Variants in FGGY observed in about 807,000 individuals in gnomAD.
FGGY encodes the protein FGGY carbohydrate kinase domain containing.
FGGY carries 72 observed loss-of-function variants against 71.3 expected under a neutral mutation model. The ratio of observed to expected loss-of-function variants is 1.01; its 90% CI spans 0.84 to 1.23. The LOEUF (loss-of-function observed/expected upper bound fraction) is 1.23. Among genes scored for constraint, FGGY ranks in the 50% most tolerant of loss-of-function variants. The pLI is 0.00. For synonymous variants in FGGY, 251 were observed against 250.3 expected, an observed-to-expected ratio of 1.00 and a Z score of -0.02; for missense variants, 668 against 682.3, an observed-to-expected ratio of 0.98 and a Z score of 0.23.
At chr1:59,544,503 TTTAGGG>T (rs926134734) in intron 7 of FGGY, among the ~76,000 whole-genome samples, 2 of 152,170 alleles carry the variant, frequency 1.3e-5, no homozygotes, top group African/African-American at 4.8e-5. Context: ...AATGACCTGC[TTTAGGG>T]GAGAATGGTG....
intron 11 of FGGY, among the ~76,000 whole-genome samples, chr1:59,651,659 A>G (rs1419545361): frequency 6.6e-6 from 1 of 150,724 alleles, no homozygotes. Flanking sequence ...TGCACGTGAG[A>G]TGGGTCTCCT....
chr1:59,324,301 G>A (rs1172399665), intron 2 of FGGY, among the ~76,000 whole-genome samples: 1 of 119,828 alleles, frequency 8.3e-6, no homozygotes, highest in African/African-American at 3.3e-5. Context: ...TTTTGAGACG[G>A]AGTCTCGCTC....
At chr1:59,482,401 T>C (rs2093505830) in intron 6 of FGGY, among the ~76,000 whole-genome samples, 1 of 152,088 alleles carries the variant, frequency 6.6e-6, no homozygotes, top group Non-Finnish European at 1.5e-5. Flanking sequence ...ATATGAATCA[T>C]GGACAAATGT....
chr1:59,417,001 G>A (rs2064560625), intron 5 of FGGY, among the ~76,000 whole-genome samples: 1 of 152,110 alleles, frequency 6.6e-6, no homozygotes, highest in African/African-American at 2.4e-5. Context: ...ACCATTTTAT[G>A]TATACAGTAT....
chr1:59,644,887 G>C (rs996975716), intron 11 of FGGY, among the ~76,000 whole-genome samples: 1 of 151,894 alleles, frequency 6.6e-6, no homozygotes, highest in Non-Finnish European at 1.5e-5. Context: ...TGAGGCAGGA[G>C]AGTCGCTTGA....
At chr1:59,663,198 C>T (rs2097293678) in intron 12 of FGGY, among the ~76,000 whole-genome samples, 2 of 152,186 alleles carry the variant, frequency 1.3e-5, no homozygotes, top group Admixed American at 6.5e-5. Context: ...TCTCATTTTA[C>T]AGACAAGGGG....
intron 6 of FGGY, among the ~76,000 whole-genome samples, chr1:59,485,685 C>T (rs1184614505): frequency 1.3e-5 from 2 of 152,136 alleles, no homozygotes; most frequent in Admixed American, 6.5e-5. Context: ...TTTGGGAAAA[C>T]AACAGTTAAA....
rs1019958409 is a variant in FGGY, at chr1:59,489,586, A to C, written c.671-22725A>C. Among the ~76,000 whole-genome samples the C allele has an allele frequency of 1.2e-4, 18 of 152,226 alleles. 1 individual carries two copies. The highest frequency in any genetic ancestry group is 6.8e-3 in the Middle Eastern group (2 of 294). ...ATGTCTGAATAGTATTCCATTGTGT[A>C]TGTATATCACATTTTCTTTGTTCAT... On this transcript the variant is annotated intron_variant, in intron 6 of 15. Transcript: ENST00000303721.
At chr1:59,483,420 T>G (rs562966168) in intron 6 of FGGY, among the ~76,000 whole-genome samples, 1 of 152,270 alleles carries the variant, frequency 6.6e-6, no homozygotes, top group African/African-American at 2.4e-5. Flanking sequence ...AGAAAACAGA[T>G]GATTAATTTA....
At chr1:59,386,845 C>G (rs1205012720) in intron 5 of FGGY, among the ~76,000 whole-genome samples, 1 of 152,040 alleles carries the variant, frequency 6.6e-6, no homozygotes, top group African/African-American at 2.4e-5. Flanking sequence ...GGTTGAATTT[C>G]TATAATTTTA....
chr1:59,542,887 T>G (rs1272284515), intron 7 of FGGY, among the ~76,000 whole-genome samples: 1 of 152,144 alleles, frequency 6.6e-6, no homozygotes, highest in Non-Finnish European at 1.5e-5. Context: ...GTGCCCTCCC[T>G]CACAGGCACT....
chr1:59,482,636 A>ATATG (rs1276663313), intron 6 of FGGY, among the ~76,000 whole-genome samples: 1 of 145,946 alleles, frequency 6.9e-6, no homozygotes, highest in African/African-American at 2.6e-5. Flanking sequence ...GTCTGTGTGT[A>ATATG]TATATATATA....
chr1:59,315,779 C>G (rs1387883423), intron 1 of FGGY: 1 of 152,210 alleles, frequency 6.6e-6, no homozygotes, highest in Non-Finnish European at 1.5e-5. Flanking sequence ...GCTACAGACT[C>G]TAAAAGTTTG....
At position 59,457,048 on chromosome 1, in the gene FGGY, C is replaced by G; in HGVS notation, c.642C>G (p.Asp214Glu). ...DSFWKMIGLEDFVADNYSKIG... is the reference protein window; with the variant it reads ...DSFWKMIGLEEFVADNYSKIG... The stretch of plus-strand genomic sequence containing the variant: ...TCTGGAAAATGATTGGTTTGGAAGA[C>G]TTTGTTGCAGATAATTACAGCAAAA... The change falls in exon 6 of 16, where the codon GAC becomes GAG. Residue 214 changes from aspartate (D) to glutamate (E), a missense_variant. By Grantham distance (45) the Asp-to-Glu change is conservative. This residue lies in a region of FGGY where 661 missense variants were observed against 661.6 expected (regional missense o/e 1.00). Transcript: ENST00000303721. 6.2e-7 allele frequency: 1 copy of G among 1,613,828 alleles called. No individual in the cohort carries two copies. Among genetic ancestry groups the G allele is most frequent in the Non-Finnish European group, 8.5e-7 (1 of 1,179,758 alleles).
At chr1:59,744,310 T>G (rs2098175768) in intron 14 of FGGY, among the ~76,000 whole-genome samples, 1 of 152,178 alleles carries the variant, frequency 6.6e-6, no homozygotes, top group Non-Finnish European at 1.5e-5. Flanking sequence ...AACCTCCGCC[T>G]TCTGGATTCA....
intron 14 of FGGY, chr1:59,680,720 A>G (rs1217335668): frequency 6.6e-6 from 1 of 152,134 alleles, no homozygotes; most frequent in Non-Finnish European, 1.5e-5. Flanking sequence ...ATCCATTGTC[A>G]TTTCATAGAC....
In FGGY at chr1:59,501,816, C is replaced by G. The variant is rs115459362; in HGVS notation, c.671-10495C>G. 3.7e-3 allele frequency among the ~76,000 whole-genome samples: 561 copies of G among 152,306 alleles called. 2 individuals are homozygous for G. Among genetic ancestry groups the G allele is most frequent in the African/African-American group, 0.012 (499 of 41,568 alleles). On this transcript the variant is annotated intron_variant, in intron 6 of 15. Coordinates refer to ENST00000303721, the MANE Select transcript of FGGY (RefSeq NM_018291.5). The stretch of plus-strand genomic sequence containing the variant: ...TTTCACAGGTTCTGCAGTTTGCTCT[C>G]ATGACCCCAAAAGCATATATCTCCA...
chr1:59,577,841 G>T (rs566515395), intron 8 of FGGY, among the ~76,000 whole-genome samples: 1 of 152,004 alleles, frequency 6.6e-6, no homozygotes, highest in African/African-American at 2.4e-5. Context: ...ATGACTCTTC[G>T]TTGCCTGGAG....
intron 8 of FGGY, among the ~76,000 whole-genome samples, chr1:59,607,056 A>G (rs1337510391): frequency 6.6e-6 from 1 of 152,234 alleles, no homozygotes; most frequent in East Asian, 1.9e-4. Context: ...CCAAATGCTA[A>G]GTTACAGACA....
Sources: allele counts gnomAD v4.1 joint callset (sites outside exome capture counted in the v4.1 genomes callset), GRCh38; gene constraint gnomAD v4.1.1; regional missense constraint gnomAD v4.1.1; transcripts MANE v1.5; gene names NCBI Gene and HGNC (gene_info 2026-07-23, HGNC 2026-07-21).